MYO16: variants seen among roughly 807,000 people sequenced by gnomAD.
MYO16 encodes the protein myosin XVI, also known as unconventional myosin-XVI.
MYO16 carries 94 observed loss-of-function variants against 205.3 expected under a neutral mutation model. The observed-to-expected ratio is 0.46, with a 90% CI of 0.39 to 0.54. MYO16 has a LOEUF of 0.54. Ranked by LOEUF, MYO16 falls within the 20% of genes least tolerant of loss-of-function variation. The pLI, the probability that MYO16 is intolerant of heterozygous loss-of-function variation, is 0.00. For synonymous variants in MYO16, 988 were observed against 954.0 expected (o/e 1.04, Z -0.66); for missense variants, 2,315 against 2,387.5 (o/e 0.97, Z 0.63).
chr13:109,057,576 C>T (rs925391374), intron 27 of MYO16, among the ~76,000 whole-genome samples: 1 of 152,120 alleles, frequency 6.6e-6, no homozygotes, highest in East Asian at 1.9e-4. Context: ...GCTCCTGACT[C>T]GTCTCTTTCT....
chr13:108,763,195 G>T (rs1049830220), intron 4 of MYO16, among the ~76,000 whole-genome samples: 4 of 152,240 alleles, frequency 2.6e-5, no homozygotes, highest in African/African-American at 9.6e-5. Context: ...AGGGAACAAG[G>T]TGCCTGTCTT....
In MYO16 at chr13:108,727,506, C is replaced by G; in HGVS notation, c.430C>G (p.Gln144Glu). Residue 144 changes from glutamine to glutamate, a missense_variant, in exon 4 of 35, where the codon CAG becomes GAG. Around this residue, in one of 3 missense-constraint regions of MYO16, gnomAD observed 1,213 missense variants for 1,274.4 expected, o/e 0.95. Transcript: ENST00000457511. ...TGACAGAGGAGTCAACGTCAACCAC[C>G]AGGATGAAGACTTCTGGACGCCCAT... The part of the protein sequence containing the change: ...LIDRGVNVNH[Q>E]DEDFWTPMHI... 6.2e-7 allele frequency: 1 copy of G among 1,613,982 alleles called. No individual in the cohort carries two copies. The highest frequency in any genetic ancestry group is 8.5e-7 in the Non-Finnish European group (1 of 1,179,946).
In MYO16 at chr13:109,206,720, C is replaced by T. The variant is rs1355557860; in HGVS notation, c.5527C>T (p.His1843Tyr). The change falls in exon 35 of 35, where the codon CAC becomes TAC. Residue 1843 changes from histidine to tyrosine, a missense_variant. His to Tyr is a moderately conservative substitution (Grantham distance 83). This residue lies in a region of MYO16 where 1,097 missense variants were observed against 1,092.0 expected (regional missense o/e 1.00). Coordinates refer to ENST00000457511, the MANE Select transcript of MYO16 (RefSeq NM_001198950.3). Reference protein sequence around the residue: ...EGQDWQQILHHAEPRVPPPPP... With the variant: ...EGQDWQQILHYAEPRVPPPPP... ...ACAAGACTGGCAGCAGATCCTGCAC[C>T]ACGCTGAGCCCAGGGTGCCTCCCCC... The T allele has an allele frequency of 6.2e-7, 1 of 1,614,164 alleles. No individual in the cohort carries two copies. The highest frequency in any genetic ancestry group is 8.5e-7 in the Non-Finnish European group (1 of 1,180,032).
chr13:108,901,570 T>C (rs1392262204), intron 15 of MYO16, among the ~76,000 whole-genome samples: 1 of 152,124 alleles, frequency 6.6e-6, no homozygotes, highest in Non-Finnish European at 1.5e-5. Context: ...TTGCGTAGGG[T>C]TTATTTTTCT....
chr13:108,912,831 G>A (rs997807998), intron 16 of MYO16, among the ~76,000 whole-genome samples: 1 of 152,110 alleles, frequency 6.6e-6, no homozygotes, highest in African/African-American at 2.4e-5. Context: ...GTCTATGTGT[G>A]TGTGTCTGTG....
intron 34 of MYO16, among the ~76,000 whole-genome samples, chr13:109,199,040 C>T (rs962405384): frequency 3.3e-5 from 5 of 151,580 alleles, no homozygotes; most frequent in African/African-American, 1.2e-4. Context: ...TGTGGAAACC[C>T]TTCTCCTCGC....
chr13:108,537,586 T>C, the MYO16 span, among the ~76,000 whole-genome samples: 2 of 152,148 alleles, frequency 1.3e-5, no homozygotes, highest in Non-Finnish European at 2.9e-5. Context: ...CTGTTTTCCA[T>C]AGAGGTTGTA....
rs749300938 is a variant in MYO16 at position 109,141,312 on chromosome 13, C to G, written c.5100C>G (p.Leu1700=). Residue 1700 remains leucine, a synonymous_variant, in exon 32 of 35, where the codon CTC becomes CTG. Transcript: ENST00000457511. The surrounding 1 kb of genome is among the most constrained non-coding windows in gnomAD (Gnocchi z 4.1). ...LSSPLDELAS[L]FNSGRSVLRK... ...GCCCCCTGGACGAGCTCGCCAGCCT[C>G]TTCAACTCGGGGAGGAGTGTGCTTC... 4 of 1,589,474 alleles carry G rather than the reference C, an allele frequency of 2.5e-6. No individual in the cohort carries two copies. The highest frequency in any genetic ancestry group is 3.4e-6 in the Non-Finnish European group (4 of 1,169,052).
At chr13:108,829,290 C>T (rs1876468615) in intron 9 of MYO16, among the ~76,000 whole-genome samples, 1 of 152,124 alleles carries the variant, frequency 6.6e-6, no homozygotes, top group South Asian at 2.1e-4. Context: ...GCAATATCTG[C>T]CTCATTGTAA....
chr13:108,869,553 T>A (rs1280470741), intron 12 of MYO16, among the ~76,000 whole-genome samples: 2 of 129,888 alleles, frequency 1.5e-5, no homozygotes, highest in Non-Finnish European at 1.6e-5. Flanking sequence ...TGAAACCCCG[T>A]CTCTACTAAA....
intron 22 of MYO16, among the ~76,000 whole-genome samples, chr13:109,015,069 G>A (rs561876158): frequency 5.8e-4 from 89 of 152,266 alleles, no homozygotes; most frequent in African/African-American, 2.1e-3. Flanking sequence ...TCCAGTTATT[G>A]CCCATTCAGT....
At chr13:108,803,929 A>C (rs185125526) in intron 6 of MYO16, among the ~76,000 whole-genome samples, 1 of 152,298 alleles carries the variant, frequency 6.6e-6, no homozygotes, top group Admixed American at 6.5e-5. Flanking sequence ...AATAAGAAAA[A>C]AATTATATTA....
rs1050928870 is a variant in MYO16 at position 108,647,014 on chromosome 13, G to GT, written c.28+17143dup. On this transcript the variant is annotated intron_variant, in intron 1 of 34. Coordinates refer to ENST00000457511, the MANE Select transcript of MYO16 (RefSeq NM_001198950.3). ...ATATGAATTGATAATTGATACATTT[G>GT]TATCACAGTCATATGCATGCATATA... is the stretch of plus-strand genomic sequence containing the variant. Among the ~76,000 whole-genome samples the GT allele has an allele frequency of 7.3e-4, 111 of 152,130 alleles. 1 individual carries two copies. The highest frequency in any genetic ancestry group is 1.3e-3 in the Non-Finnish European group (88 of 68,010).
chr13:108,957,383 C>CAAAAAAAAAA (rs33954239), intron 16 of MYO16, among the ~76,000 whole-genome samples: 9 of 96,882 alleles, frequency 9.3e-5, no homozygotes, highest in Admixed American at 1.3e-4. Context: ...AACTCCATCT[C>CAAAAAAAAAA]AAAAAAAAAA....
intron 4 of MYO16, among the ~76,000 whole-genome samples, chr13:108,781,509 G>A (rs147278945): frequency 1.9e-4 from 29 of 152,280 alleles, no homozygotes; most frequent in African/African-American, 6.3e-4. Flanking sequence ...ACAGCTGCAC[G>A]GCCGGTTCTC....
intron 16 of MYO16, among the ~76,000 whole-genome samples, chr13:108,951,339 T>C (rs1425631304): frequency 6.6e-6 from 1 of 152,060 alleles, no homozygotes; most frequent in Non-Finnish European, 1.5e-5. Flanking sequence ...CCTCATGATA[T>C]GAAGTTAATC....
the MYO16 span, among the ~76,000 whole-genome samples, chr13:108,546,241 T>A: frequency 6.6e-6 from 1 of 152,194 alleles, no homozygotes; most frequent in Non-Finnish European, 1.5e-5. Flanking sequence ...TAGCTGCTTC[T>A]GCCAGAGGCC....
chr13:108,516,019 CA>C, the MYO16 span, among the ~76,000 whole-genome samples: 1 of 139,036 alleles, frequency 7.2e-6, no homozygotes, highest in Non-Finnish European at 1.6e-5. Context: ...TCGAGCTTCC[CA>C]GCTGCTTTGT....
intron 32 of MYO16, among the ~76,000 whole-genome samples, chr13:109,153,415 G>A (rs1877792561): frequency 8.5e-6 from 1 of 117,820 alleles, no homozygotes; most frequent in South Asian, 2.8e-4. Flanking sequence ...ATATAGAAAG[G>A]ATAGATTTTT....
Sources: gnomAD v4.1 joint callset for allele counts (sites outside exome capture counted in the v4.1 genomes callset) on GRCh38, gnomAD v4.1.1 for gene constraint, gnomAD v4.1.1 regional missense constraint, Gnocchi (gnomAD v3.1) non-coding constraint, MANE v1.5 for transcripts, NCBI Gene and HGNC (gene_info 2026-07-23, HGNC 2026-07-21) for gene names.